DAB1: variants seen among roughly 807,000 people sequenced by gnomAD.
The protein encoded by DAB1 is disabled homolog 1.
A neutral mutation model predicts 64.6 loss-of-function variants in DAB1; 15 were observed. The observed-to-expected ratio is 0.23, with a 90% CI of 0.16 to 0.36. The LOEUF (loss-of-function observed/expected upper bound fraction) is 0.36, where lower values mean the gene tolerates loss of function less well. Ranked by LOEUF, DAB1 falls within the 10% of genes least tolerant of loss-of-function variation. The pLI, the probability that DAB1 is intolerant of heterozygous loss-of-function variation, is 1.00. For synonymous variants in DAB1, 235 were observed against 251.9 expected, an observed-to-expected ratio of 0.93 and a Z score of 0.64; for missense variants, 596 against 706.7, an observed-to-expected ratio of 0.84 and a Z score of 1.78.
At chr1:57,212,056 A>T (rs1666052469) in intron 2 of DAB1, among the ~76,000 whole-genome samples, 1 of 152,220 alleles carries the variant, frequency 6.6e-6, no homozygotes, top group Admixed American at 6.5e-5. Flanking sequence ...ACCTCTACAC[A>T]GGCAGAGCCA....
chr1:58,174,410 A>G (rs543485537), intron 4 of DAB1, among the ~76,000 whole-genome samples: 1 of 152,240 alleles, frequency 6.6e-6, no homozygotes, highest in Admixed American at 6.5e-5. Context: ...GGAACCCCAA[A>G]TGAGCTCAAA....
Position 57,668,712 on chromosome 1 carries a change from A to G in DAB1, n.552-19047T>C, listed in dbSNP as rs1646476386. ...TCAAATGAAATAAAAGTTAAGACAAAAGGACACTCTCTAGATCCTAAAAAG... is the reference window on the plus strand; with the variant it reads ...TCAAATGAAATAAAAGTTAAGACAAGAGGACACTCTCTAGATCCTAAAAAG... On this transcript the variant is annotated intron_variant and non_coding_transcript_variant, in intron 6 of 20. Transcript: ENST00000485760. Among the ~76,000 whole-genome samples, 3 of 152,088 alleles carry G rather than the reference A, an allele frequency of 2.0e-5. No individual in the cohort carries two copies. In the South Asian group the frequency reaches 6.2e-4, roughly 32 times the overall value.
At chr1:57,608,009 A>C (rs1264939012) in intron 7 of DAB1, among the ~76,000 whole-genome samples, 1 of 152,100 alleles carries the variant, frequency 6.6e-6, no homozygotes, top group African/African-American at 2.4e-5. Context: ...TGGACAGCCA[A>C]CGCCCTTTCT....
intron 2 of DAB1, among the ~76,000 whole-genome samples, chr1:57,212,076 T>G (rs1666054309): frequency 6.6e-6 from 1 of 152,288 alleles, no homozygotes; most frequent in South Asian, 2.1e-4. Flanking sequence ...AGAGAATGCA[T>G]GCATGCTATA....
chr1:58,305,984 C>T (rs1372009596), intron 4 of DAB1, among the ~76,000 whole-genome samples: 1 of 151,854 alleles, frequency 6.6e-6, no homozygotes, highest in Non-Finnish European at 1.5e-5. Context: ...GAGCACCCCC[C>T]CACCCCCCTC....
chr1:58,537,834 G>A (rs1646541224), intron 1 of DAB1, among the ~76,000 whole-genome samples: 1 of 152,092 alleles, frequency 6.6e-6, no homozygotes, highest in Non-Finnish European at 1.5e-5. Flanking sequence ...TATTTAAAAT[G>A]TATGAAAGAC....
rs72910444 is a variant in DAB1 at position 58,234,111 on chromosome 1, A to C, written n.310-83523T>G. Among the ~76,000 whole-genome samples, 703 of 152,324 alleles carry C rather than the reference A, an allele frequency of 4.6e-3. 9 individuals are homozygous for C. Among genetic ancestry groups the C allele is most frequent in the African/African-American group, 0.016 (667 of 41,564 alleles). ...TGAGAAAAATAAAGGCTAGGCCCAA[A>C]GTTTACTATCAGCTGAGCTAGAGAT... On this transcript the variant is annotated intron_variant and non_coding_transcript_variant, in intron 4 of 20. Transcript: ENST00000485760.
chr1:57,446,280 A>G (rs1424565411), intron 7 of DAB1, among the ~76,000 whole-genome samples: 4 of 152,154 alleles, frequency 2.6e-5, no homozygotes, highest in Admixed American at 2.0e-4. Flanking sequence ...AGAATTTGGC[A>G]TATTTTTTGA....
chr1:57,887,674 CTGTT>C (rs561976872), upstream of DAB1, among the ~76,000 whole-genome samples: 384 of 152,212 alleles, frequency 2.5e-3, 3 homozygotes, highest in African/African-American at 8.9e-3. Flanking sequence ...TTAACAGACT[CTGTT>C]TGCTGCTCAG....
intron 2 of DAB1, among the ~76,000 whole-genome samples, chr1:57,162,722 A>G (rs1157348366): frequency 6.6e-6 from 1 of 152,206 alleles, no homozygotes; most frequent in Non-Finnish European, 1.5e-5. Flanking sequence ...TGGTGTGAAC[A>G]ACTCTTATGT....
chr1:57,008,627 A>T (rs535773065), intron 14 of DAB1, among the ~76,000 whole-genome samples: 14 of 152,240 alleles, frequency 9.2e-5, no homozygotes, highest in Non-Finnish European at 1.8e-4. Context: ...AAATCACAGC[A>T]GTGTCACATA....
chr1:57,202,330 T>C (rs1665172082), intron 2 of DAB1, among the ~76,000 whole-genome samples: 1 of 152,194 alleles, frequency 6.6e-6, no homozygotes, highest in Non-Finnish European at 1.5e-5. Flanking sequence ...ATGTGCAGCT[T>C]TACATTTTTA....
At chr1:57,110,877 C>T (rs1002052629) in intron 4 of DAB1, among the ~76,000 whole-genome samples, 12 of 152,000 alleles carry the variant, frequency 7.9e-5, no homozygotes, top group African/African-American at 2.7e-4. Context: ...CCTGAAATCA[C>T]ACATCAGAAA....
At chr1:57,345,985 G>A (rs1250678735) in intron 1 of DAB1, among the ~76,000 whole-genome samples, 1 of 152,142 alleles carries the variant, frequency 6.6e-6, no homozygotes, top group African/African-American at 2.4e-5. Flanking sequence ...TGGCTTATGT[G>A]GATATTATCG....
chr1:57,295,733 T>G (rs906001246), intron 1 of DAB1, among the ~76,000 whole-genome samples: 2 of 152,094 alleles, frequency 1.3e-5, no homozygotes. Flanking sequence ...TGTGACTGGG[T>G]GCCAGGGTAA....
In DAB1 at chr1:57,876,822, A is replaced by G. The variant is rs569880198; in HGVS notation, n.87+7177T>C. On this transcript the variant is annotated intron_variant and non_coding_transcript_variant, in intron 1 of 1. Transcript: ENST00000477280. Reference sequence around the variant, plus strand: ...AAGAAGACAGGAGAAACTTCTCAAGAGGAATATCTCCAAATTGCAGGTGAA... The same window carrying G: ...AAGAAGACAGGAGAAACTTCTCAAGGGGAATATCTCCAAATTGCAGGTGAA... The G allele has an allele frequency of 7.9e-5, 12 of 152,260 alleles. No homozygotes were observed. In the East Asian group the frequency reaches 2.3e-3, roughly 29 times the overall value. The allele number at this position is 152,260 out of a possible 1,614,324, so 9.4% of individuals were successfully genotyped here.
At chr1:57,549,966 G>A (rs1376403194) in intron 7 of DAB1, among the ~76,000 whole-genome samples, 1 of 152,150 alleles carries the variant, frequency 6.6e-6, no homozygotes, top group Non-Finnish European at 1.5e-5. Flanking sequence ...AGACTTCTGA[G>A]AAGAGAGTTC....
chr1:58,129,508 T>G (rs1184518756), intron 5 of DAB1, among the ~76,000 whole-genome samples: 1 of 127,864 alleles, frequency 7.8e-6, no homozygotes, highest in Non-Finnish European at 1.6e-5. Context: ...AGCTTTTGAA[T>G]GTGTTTGCTC....
At chr1:57,285,665 A>C (rs945428834) in intron 2 of DAB1, among the ~76,000 whole-genome samples, 1 of 152,194 alleles carries the variant, frequency 6.6e-6, no homozygotes, top group African/African-American at 2.4e-5. Context: ...AGGCTCAAGG[A>C]GGCTAATTAA....
Sources: gnomAD v4.1 joint callset for allele counts (sites outside exome capture counted in the v4.1 genomes callset) on GRCh38, gnomAD v4.1.1 for gene constraint, MANE v1.5 for transcripts, NCBI Gene and HGNC (gene_info 2026-07-23, HGNC 2026-07-21) for gene names.